MYO9A: variants seen among roughly 807,000 people sequenced by gnomAD.
The protein encoded by MYO9A is myosin IXA.
Under a neutral mutation model 293.3 loss-of-function variants are expected in MYO9A, and 103 were observed. The ratio of observed to expected loss-of-function variants is 0.35; its 90% CI spans 0.30 to 0.41. The LOEUF (loss-of-function observed/expected upper bound fraction) is 0.41. MYO9A is among the 10% of genes least tolerant of loss of function. The probability of loss-of-function intolerance (pLI) is 1.00; values close to 1 mark genes in which losing one functional copy is unlikely to be tolerated. For synonymous variants in MYO9A, 1,001 were observed against 1,035.7 expected, an observed-to-expected ratio of 0.97 and a Z score of 0.64; for missense variants, 2,685 against 3,033.0, an observed-to-expected ratio of 0.89 and a Z score of 2.69.
chr15:71,897,341 A>G, intron 25 of MYO9A, 120 bp downstream of exon 25: 1 of 1,096,782 alleles, frequency 9.1e-7, no homozygotes, highest in Non-Finnish European at 1.3e-6. Context: ...ATATTTTTAC[A>G]AAGAGAAAAT....
intron 2 of MYO9A, among the ~76,000 whole-genome samples, chr15:72,036,088 TAC>T (rs1269084527): frequency 6.6e-6 from 1 of 152,128 alleles, no homozygotes; most frequent in East Asian, 1.9e-4. Context: ...ATTTCAGATA[TAC>T]ATAGTTGAAA....
At position 71,825,990 on chromosome 15, in the gene MYO9A, T is replaced by TTTTTGTTTTG. The variant is rs1433153162; in HGVS notation, c.*589_*590insCAAAACAAAA. 1 of 117,450 alleles carries TTTTTGTTTTG rather than the reference T, an allele frequency of 8.5e-6. No homozygotes were observed. The highest frequency in any genetic ancestry group is 4.4e-5 in the African/African-American group (1 of 22,868). The allele number at this position is 117,450 out of a possible 1,614,324, so 7.3% of individuals were successfully genotyped here. On this transcript the variant is annotated 3_prime_UTR_variant, in exon 42 of 42. Coordinates refer to ENST00000356056, the MANE Select transcript of MYO9A (RefSeq NM_006901.4). ...GCTTAATGGAAACAATCACGGTTTT[T>TTTTTGTTTTG]TTTTGTTTTTTTTTTTTTGTTTTTT...
intron 33 of MYO9A, among the ~76,000 whole-genome samples, chr15:71,860,712 C>T (rs1010319364): frequency 6.6e-6 from 1 of 151,930 alleles, no homozygotes; most frequent in Admixed American, 6.6e-5. Context: ...TGCCTGTAAT[C>T]CTAGCACACT....
chr15:71,928,037 TATATATATATATATA>T (rs2058362203), intron 18 of MYO9A, among the ~76,000 whole-genome samples: 1 of 9,350 alleles, frequency 1.1e-4, no homozygotes, highest in Non-Finnish European at 6.0e-4. Flanking sequence ...AATATATATA[TATATATATATATATA>T]TATATTTTTT....
chr15:71,989,020 T>A (rs1596328995), intron 11 of MYO9A, among the ~76,000 whole-genome samples: 1 of 151,960 alleles, frequency 6.6e-6, no homozygotes. Flanking sequence ...TCAGCCTCCT[T>A]AGTAGCTGGG....
chr15:71,825,173 A>AGAT lies in MYO9A; in HGVS notation c.*1404_*1406dup, dbSNP rs1184187350. 6.6e-6 allele frequency: 1 copy of AGAT among 152,218 alleles called. No homozygotes were observed. Among genetic ancestry groups the AGAT allele is most frequent in the East Asian group, 1.9e-4 (1 of 5,196 alleles). The allele number at this position is 152,218 out of a possible 1,614,324, so 9.4% of individuals were successfully genotyped here. On this transcript the variant is annotated 3_prime_UTR_variant, in exon 42 of 42. Transcript: ENST00000356056. ...CAGATTTCTAATCCCACAAATGCTA[A>AGAT]GATACTTAAAATGCTATTATAACTC...
intron 1 of MYO9A, among the ~76,000 whole-genome samples, chr15:72,061,204 G>A (rs2078868295): frequency 1.3e-5 from 2 of 152,238 alleles, no homozygotes; most frequent in South Asian, 2.1e-4. Flanking sequence ...TACTCGCCAT[G>A]GGCCTTGGGA....
At position 71,959,985 on chromosome 15, in the gene MYO9A, A is replaced by G. The variant is rs1289553361; in HGVS notation, c.2098T>C (p.Phe700Leu). The G allele has an allele frequency of 6.2e-7, 1 of 1,614,146 alleles. No homozygotes were observed. The highest frequency in any genetic ancestry group is 8.5e-7 in the Non-Finnish European group (1 of 1,179,994). ...AAAGCTCGGAGAATTGCCCATCGGA[A>G]AACAGCTACAGGATCAATTCCAATC... ...GMIGIDPVAV[F>L]RWAILRAFFR... Residue 700 changes from phenylalanine (F) to leucine (L), a missense_variant, in exon 14 of 42, where the codon TTC becomes CTC. Phe to Leu is a conservative substitution (Grantham distance 22). Around this residue, in one of 10 missense-constraint regions of MYO9A, gnomAD observed 201 missense variants for 245.2 expected, o/e 0.82. Transcript: ENST00000356056.
At chr15:72,110,334 G>T (rs1419833512) in intron 1 of MYO9A, among the ~76,000 whole-genome samples, 1 of 150,966 alleles carries the variant, frequency 6.6e-6, no homozygotes, top group African/African-American at 2.4e-5. Context: ...TACTTGGGAG[G>T]CTGAGGCAGG....
At chr15:71,976,381 A>C (rs989390870) in intron 12 of MYO9A, among the ~76,000 whole-genome samples, 10 of 152,246 alleles carry the variant, frequency 6.6e-5, no homozygotes, top group African/African-American at 2.4e-4. Flanking sequence ...GGGAAGCAAT[A>C]TAATACTTCA....
Position 71,873,168 on chromosome 15 carries a change from C to T in MYO9A, c.5979+2623G>A, listed in dbSNP as rs1183701237. On this transcript the variant is annotated intron_variant, in intron 32 of 41. Coordinates refer to ENST00000356056, the MANE Select transcript of MYO9A (RefSeq NM_006901.4). ...CCGACCTCAGGTGATCCACACCTGCCTCAGCCTCCCAAAGTGCTGGGATTA... is the reference window on the plus strand; with the variant it reads ...CCGACCTCAGGTGATCCACACCTGCTTCAGCCTCCCAAAGTGCTGGGATTA... Among the ~76,000 whole-genome samples the T allele has an allele frequency of 2.6e-5, 4 of 152,186 alleles. No homozygotes were observed. In the South Asian group the frequency reaches 8.3e-4, roughly 32 times the overall value.
At chr15:71,851,417 C>T in intron 36 of MYO9A, 59 bp from the exon 37 acceptor site, 1 of 1,337,798 alleles carries the variant, frequency 7.5e-7, no homozygotes, top group South Asian at 1.3e-5. Context: ...AGTGTATCTT[C>T]CTCCCAGACA....
intron 18 of MYO9A, among the ~76,000 whole-genome samples, chr15:71,918,190 TATTCATG>T (rs2058063070): frequency 6.6e-6 from 1 of 152,130 alleles, no homozygotes; most frequent in African/African-American, 2.4e-5. Context: ...CAAGAGCCAG[TATTCATG>T]AGGTGGTGGG....
At chr15:71,906,262 G>A (rs1303804841) in intron 19 of MYO9A, among the ~76,000 whole-genome samples, 1 of 152,068 alleles carries the variant, frequency 6.6e-6, no homozygotes, top group Non-Finnish European at 1.5e-5. Context: ...TATTTCATGG[G>A]CACTTAAAAT....
intron 8 of MYO9A, among the ~76,000 whole-genome samples, chr15:72,003,995 A>C (rs12905794): frequency 0.014 from 2,112 of 152,278 alleles, 22 homozygotes; most frequent in East Asian, 0.025. Context: ...TACCTAGCAC[A>C]AAAACCTGAC....
chr15:71,945,201 A>G (rs568638120), intron 15 of MYO9A, among the ~76,000 whole-genome samples: 32 of 152,296 alleles, frequency 2.1e-4, no homozygotes, highest in African/African-American at 7.5e-4. Context: ...TCAAGCTATC[A>G]GCCAAGGCTG....
chr15:71,972,194 G>C (rs1398420342), intron 12 of MYO9A: 1 of 152,086 alleles, frequency 6.6e-6, no homozygotes, highest in Non-Finnish European at 1.5e-5. Context: ...AACCCAAAAG[G>C]ACAGCACTTA....
chr15:72,002,419 G>C (rs1456442981), intron 8 of MYO9A, among the ~76,000 whole-genome samples: 1 of 152,006 alleles, frequency 6.6e-6, no homozygotes, highest in Non-Finnish European at 1.5e-5. Context: ...GCCCAGGCGG[G>C]TCTTGAACTC....
intron 8 of MYO9A, among the ~76,000 whole-genome samples, chr15:72,003,542 T>TA (rs879407340): frequency 8.0e-4 from 113 of 140,834 alleles, no homozygotes; most frequent in African/African-American, 1.0e-3. Context: ...TAAAAATACA[T>TA]AAAAAAAAAA....
Sources: allele counts gnomAD v4.1 joint callset (sites outside exome capture counted in the v4.1 genomes callset), GRCh38; gene constraint gnomAD v4.1.1; regional missense constraint gnomAD v4.1.1; transcripts MANE v1.5; gene names NCBI Gene and HGNC (gene_info 2026-07-23, HGNC 2026-07-21).